MPPED2: variants seen among roughly 807,000 people sequenced by gnomAD.
MPPED2 encodes the protein metallophosphoesterase domain containing 2.
In MPPED2, 5 loss-of-function variants were observed where a neutral mutation model predicts 33.0. The ratio of observed to expected loss-of-function variants is 0.15; its 90% CI spans 0.08 to 0.32. MPPED2 has a LOEUF of 0.32. MPPED2 is among the 10% of genes least tolerant of loss of function. The pLI, the probability that MPPED2 is intolerant of heterozygous loss-of-function variation, is 1.00. For synonymous variants in MPPED2, 136 were observed against 141.9 expected, an observed-to-expected ratio of 0.96 and a Z score of 0.29; for missense variants, 275 against 372.1, an observed-to-expected ratio of 0.74 and a Z score of 2.15.
chr11:30,480,344 CT>C (rs1465879845), intron 4 of MPPED2, among the ~76,000 whole-genome samples: 3 of 151,880 alleles, frequency 2.0e-5, no homozygotes, highest in East Asian at 1.9e-4. Flanking sequence ...TCTTTTCTTT[CT>C]TTTTTTTAAA....
At chr11:30,458,587 A>G (rs581277) in intron 4 of MPPED2, among the ~76,000 whole-genome samples, 54,007 of 152,152 alleles carry the variant, frequency 0.35, 13,918 homozygotes, top group African/African-American at 0.72. Flanking sequence ...TGTCCTCATC[A>G]TCAAATTACA....
intron 4 of MPPED2, among the ~76,000 whole-genome samples, chr11:30,488,608 G>A (rs1213166084): frequency 6.6e-6 from 1 of 152,190 alleles, no homozygotes; most frequent in Non-Finnish European, 1.5e-5. Context: ...AAAGTGATCG[G>A]TTTTGCTTTC....
intron 3 of MPPED2, among the ~76,000 whole-genome samples, chr11:30,503,084 AG>A (rs770937436): frequency 7.2e-5 from 11 of 152,138 alleles, no homozygotes; most frequent in Non-Finnish European, 1.2e-4. Context: ...TGTTGTGGGA[AG>A]GATCTGGTGG....
intron 2 of MPPED2, among the ~76,000 whole-genome samples, chr11:30,551,386 A>T (rs1955705245): frequency 6.6e-6 from 1 of 152,212 alleles, no homozygotes; most frequent in South Asian, 2.1e-4. Context: ...CCTCTGTTAT[A>T]AGAGGAATAG....
rs1290745412 is a variant in MPPED2, at chr11:30,417,589, T to G, written c.581A>C (p.Gln194Pro). ...GAGGTTCCACTTGTCCAGCAGAGAC[T>G]GACCTCTGGGTAGGTTAAAGCCCCA... is the stretch of plus-strand genomic sequence containing the variant. ...NGWGFNLPRG[Q>P]SLLDKWNLIP... Residue 194 changes from glutamine (Q) to proline (P), a missense_variant, in exon 5 of 7, where the codon CAG becomes CCG. Gln to Pro is a moderately conservative substitution (Grantham distance 76). Coordinates refer to ENST00000358117, the MANE Select transcript of MPPED2 (RefSeq NM_001584.3). 5 of 1,613,358 alleles carry G rather than the reference T, an allele frequency of 3.1e-6. No individual in the cohort carries two copies. The highest frequency in any genetic ancestry group is 4.2e-6 in the Non-Finnish European group (5 of 1,179,596).
chr11:30,535,884 C>G, intron 3 of MPPED2, 110 bp downstream of exon 3: 1 of 862,386 alleles, frequency 1.2e-6, no homozygotes, highest in Non-Finnish European at 1.7e-6. Flanking sequence ...GCATATCATA[C>G]GAGAAATGGC....
At chr11:30,579,195 G>C (rs1239400807) in intron 2 of MPPED2, among the ~76,000 whole-genome samples, 1 of 148,476 alleles carries the variant, frequency 6.7e-6, no homozygotes, top group African/African-American at 2.5e-5. Context: ...AGGGTGGGGG[G>C]GTGTGTGTAT....
chr11:30,483,622 G>T (rs1951591443), intron 4 of MPPED2, among the ~76,000 whole-genome samples: 1 of 152,168 alleles, frequency 6.6e-6, no homozygotes, highest in South Asian at 2.1e-4. Context: ...AGCAAGAAAG[G>T]TTTTTCTACT....
Position 30,548,346 on chromosome 11 carries a change from T to C in MPPED2, c.129-12171A>G, listed in dbSNP as rs551590044. Among the ~76,000 whole-genome samples the C allele has an allele frequency of 1.8e-4, 27 of 152,274 alleles. No individual in the cohort carries two copies. In the South Asian group the frequency reaches 5.4e-3, roughly 30 times the overall value. On this transcript the variant is annotated intron_variant, in intron 2 of 6. Coordinates refer to ENST00000358117, the MANE Select transcript of MPPED2 (RefSeq NM_001584.3). The stretch of plus-strand genomic sequence containing the variant: ...CTCCCACCTCAGTCTCCCAAGTAGC[T>C]GGGACTACAGGCATGTGCCACCACA...
At chr11:30,575,229 G>C (rs1239386162) in intron 2 of MPPED2, among the ~76,000 whole-genome samples, 4 of 152,058 alleles carry the variant, frequency 2.6e-5, no homozygotes, top group African/African-American at 9.7e-5. Flanking sequence ...AATAAAACAA[G>C]TTGGACTTGT....
intron 1 of MPPED2, 48 bp from the exon 2 acceptor site, chr11:30,580,542 G>A: frequency 7.1e-7 from 1 of 1,405,466 alleles, no homozygotes; most frequent in Non-Finnish European, 9.3e-7. Context: ...AGAGAAAAAG[G>A]GTGTTCTAAG....
chr11:30,490,754 C>T (rs1479117676), intron 4 of MPPED2, among the ~76,000 whole-genome samples: 3 of 152,198 alleles, frequency 2.0e-5, no homozygotes, highest in African/African-American at 7.2e-5. Flanking sequence ...GAAAACACTA[C>T]TTTAATTCTC....
chr11:30,468,256 A>ACACTCTCTCT, intron 4 of MPPED2, among the ~76,000 whole-genome samples: 1 of 142,936 alleles, frequency 7.0e-6, no homozygotes, highest in African/African-American at 2.7e-5. Flanking sequence ...ACACACACAC[A>ACACTCTCTCT]CTCTCTCTCT....
chr11:30,544,409 AG>A (rs1955299009), intron 2 of MPPED2, among the ~76,000 whole-genome samples: 1 of 152,224 alleles, frequency 6.6e-6, no homozygotes, highest in South Asian at 2.1e-4. Context: ...TTGGTCAAGC[AG>A]TAGGTCAATA....
At chr11:30,551,803 T>A (rs1194976945) in intron 2 of MPPED2, among the ~76,000 whole-genome samples, 1 of 152,204 alleles carries the variant, frequency 6.6e-6, no homozygotes, top group South Asian at 2.1e-4. Flanking sequence ...ATGGGCAAGT[T>A]ACTCAACCTC....
chr11:30,536,418 A>G (rs1161203053), intron 2 of MPPED2, among the ~76,000 whole-genome samples: 1 of 152,182 alleles, frequency 6.6e-6, no homozygotes, highest in African/African-American at 2.4e-5. Context: ...AGGAATGAAT[A>G]TCTTACATAT....
At chr11:30,405,247 C>T (rs532961358), downstream of MPPED2, among the ~76,000 whole-genome samples, 1 of 152,294 alleles carries the variant, frequency 6.6e-6, no homozygotes, top group South Asian at 2.1e-4. Context: ...AAAGCTCAAC[C>T]TATTCCCAAA....
At chr11:30,576,699 G>A (rs112516902) in intron 2 of MPPED2, among the ~76,000 whole-genome samples, 1,835 of 151,902 alleles carry the variant, frequency 0.012, 30 homozygotes, top group African/African-American at 0.038. Flanking sequence ...ATTCTGCTTG[G>A]GAAAGATGAA....
chr11:30,534,110 G>A (rs1283947266), intron 3 of MPPED2, among the ~76,000 whole-genome samples: 1 of 152,158 alleles, frequency 6.6e-6, no homozygotes, highest in Non-Finnish European at 1.5e-5. Flanking sequence ...AAACCAAGGG[G>A]AAAAGGAAGG....
Sources: allele counts gnomAD v4.1 joint callset (sites outside exome capture counted in the v4.1 genomes callset), GRCh38; gene constraint gnomAD v4.1.1; transcripts MANE v1.5; gene names NCBI Gene and HGNC (gene_info 2026-07-23, HGNC 2026-07-21).